Variants in AAK1 observed in about 807,000 individuals in gnomAD.
AAK1 encodes AP2-associated protein kinase 1.
A neutral mutation model predicts 116.0 loss-of-function variants in AAK1; 37 were observed. That is an observed-to-expected ratio of 0.32 (90% confidence interval 0.25 to 0.42). The LOEUF (loss-of-function observed/expected upper bound fraction) is 0.42, where lower values mean the gene tolerates loss of function less well. Ranked by LOEUF, AAK1 falls within the 10% of genes least tolerant of loss-of-function variation. The probability of loss-of-function intolerance (pLI) is 1.00; values close to 1 mark genes in which losing one functional copy is unlikely to be tolerated. For synonymous variants in AAK1, 458 were observed against 439.9 expected (o/e 1.04, Z -0.51); for missense variants, 919 against 1,170.6 (o/e 0.79, Z 3.14).
chr2:69,534,794 T>C (rs1188641047), intron 5 of AAK1, among the ~76,000 whole-genome samples: 6 of 152,244 alleles, frequency 3.9e-5, no homozygotes, highest in Non-Finnish European at 8.8e-5. Context: ...AAAATATTTA[T>C]TATCTGGCCC....
intron 20 of AAK1, chr2:69,478,601 T>C: frequency 4.1e-6 from 1 of 241,936 alleles, no homozygotes; most frequent in Non-Finnish European, 8.0e-6. Flanking sequence ...CACCGGTGCA[T>C]GCTGCCATGG....
At chr2:69,609,465 T>C (rs1290104383) in intron 2 of AAK1, among the ~76,000 whole-genome samples, 3 of 151,124 alleles carry the variant, frequency 2.0e-5, no homozygotes, top group Non-Finnish European at 4.4e-5. Flanking sequence ...GCGGATCACC[T>C]GAGGTCAGGA....
At chr2:69,526,527 T>G (rs948024567) in intron 9 of AAK1, among the ~76,000 whole-genome samples, 1 of 152,072 alleles carries the variant, frequency 6.6e-6, no homozygotes, top group Non-Finnish European at 1.5e-5. Flanking sequence ...AGGCTGGTCT[T>G]GAACTCCTGA....
chr2:69,527,405 T>C (rs1327887653), intron 8 of AAK1, 86 bp from the exon 9 acceptor site: 12 of 902,358 alleles, frequency 1.3e-5, no homozygotes, highest in Non-Finnish European at 2.1e-5. Flanking sequence ...CTACTCCCAA[T>C]GTTTTGTTTT....
chr2:69,512,138 G>A (rs1676418689), intron 13 of AAK1, among the ~76,000 whole-genome samples: 1 of 152,176 alleles, frequency 6.6e-6, no homozygotes, highest in South Asian at 2.1e-4. Flanking sequence ...TGGAAAGTGG[G>A]AGGAGGGACA....
chr2:69,542,242 C>A (rs958186749), intron 5 of AAK1, among the ~76,000 whole-genome samples: 9 of 152,152 alleles, frequency 5.9e-5, no homozygotes, highest in African/African-American at 9.7e-5. Context: ...TTACTTTTCA[C>A]AATCCTGAAA....
chr2:69,489,423 A>C (rs902019159), intron 17 of AAK1, among the ~76,000 whole-genome samples: 8 of 146,992 alleles, frequency 5.4e-5, no homozygotes, highest in African/African-American at 2.0e-4. Flanking sequence ...TGCACTCCAG[A>C]CTGGGCGACA....
intron 2 of AAK1, chr2:69,597,405 A>G (rs1673347964): frequency 6.3e-6 from 1 of 158,026 alleles, no homozygotes; most frequent in African/African-American, 2.4e-5. Flanking sequence ...GATCCCTCAC[A>G]TGGGGTCTCC....
chr2:69,515,989 G>A (rs186740080), intron 12 of AAK1, among the ~76,000 whole-genome samples: 141 of 152,274 alleles, frequency 9.3e-4, no homozygotes, highest in Non-Finnish European at 1.8e-3. Flanking sequence ...AAATAAGAAT[G>A]AGCAATACCA....
Position 69,642,956 on chromosome 2 carries a change from C to T in AAK1, c.85G>A (p.Gly29Ser). ...GSSGGGGSTS[G>S]LGSGYIGRVF... ...CTTCCGATGTAGCCACTGCCCAGGC[C>T]CGAGGTGCTGCCCCCTCCTCCGCTG... is the stretch of plus-strand genomic sequence containing the variant. The change falls in exon 2 of 22, where the codon GGC becomes AGC. Residue 29 changes from glycine to serine, a missense_variant. This residue lies in a region of AAK1 where 317 missense variants were observed against 490.4 expected (regional missense o/e 0.65). Transcript: ENST00000409085. 6.2e-7 allele frequency: 1 copy of T among 1,613,768 alleles called. No individual in the cohort carries two copies. Among genetic ancestry groups the T allele is most frequent in the South Asian group, 1.1e-5 (1 of 91,018 alleles).
intron 2 of AAK1, among the ~76,000 whole-genome samples, chr2:69,589,844 T>A (rs1672955029): frequency 6.6e-6 from 1 of 151,818 alleles, no homozygotes; most frequent in Admixed American, 6.6e-5. Context: ...GATAACAAAG[T>A]ACCTGGAGTA....
At chr2:69,546,758 A>G (rs1195199378) in intron 3 of AAK1, among the ~76,000 whole-genome samples, 1 of 151,988 alleles carries the variant, frequency 6.6e-6, no homozygotes, top group Non-Finnish European at 1.5e-5. Flanking sequence ...GGAGGTGATT[A>G]AGTCATGAGG....
At chr2:69,492,890 T>C (rs2312208) in intron 17 of AAK1, among the ~76,000 whole-genome samples, 148,440 of 151,936 alleles carry the variant, frequency 0.98, 72,537 homozygotes, top group East Asian at 1. Context: ...ACAAAGAAAA[T>C]CAGGCAAAAA....
intron 8 of AAK1, 105 bp from the exon 9 acceptor site, chr2:69,527,424 T>C (rs1670071434): frequency 1.3e-6 from 1 of 763,356 alleles, no homozygotes; most frequent in Non-Finnish European, 2.2e-6. Context: ...TTTAAACTTT[T>C]ATTTTTCATA....
intron 2 of AAK1, among the ~76,000 whole-genome samples, chr2:69,588,171 A>C (rs1273076141): frequency 6.6e-6 from 1 of 152,204 alleles, no homozygotes; most frequent in Non-Finnish European, 1.5e-5. Context: ...TAACATGAGC[A>C]ACCATCCCCT....
intron 19 of AAK1, among the ~76,000 whole-genome samples, chr2:69,480,021 C>T (rs920150720): frequency 2.0e-5 from 3 of 152,120 alleles, no homozygotes; most frequent in Non-Finnish European, 4.4e-5. Flanking sequence ...TCCCAAAGTG[C>T]TGGGATTACA....
chr2:69,531,965 C>T, intron 6 of AAK1, 76 bp downstream of exon 6: 5 of 1,582,122 alleles, frequency 3.2e-6, no homozygotes, highest in African/African-American at 1.3e-5. Context: ...CCACCCTGAC[C>T]TTCTCATCCA....
At position 69,468,757 on chromosome 2, in the gene AAK1, A is replaced by G. The variant is rs1572869419; in HGVS notation, c.*7112T>C. 4.1e-6 allele frequency: 4 copies of G among 985,458 alleles called. No individual in the cohort carries two copies. Among genetic ancestry groups the G allele is most frequent in the Non-Finnish European group, 3.6e-6 (3 of 829,932 alleles). 61.0% of individuals were successfully genotyped at this position (985,458 alleles called of 1,614,324 possible). A position where few individuals can be genotyped will look rare whatever the true frequency, so the allele number is the denominator to read the frequency against. ...GCCTGAAGTGCTAGATTACATTTTGAGAACTAGGAAGTACCAAGGGGTGTG... is the reference window on the plus strand; with the variant it reads ...GCCTGAAGTGCTAGATTACATTTTGGGAACTAGGAAGTACCAAGGGGTGTG... On this transcript the variant is annotated 3_prime_UTR_variant, in exon 22 of 22. Transcript: ENST00000409085.
chr2:69,575,456 A>G (rs1352421382), intron 2 of AAK1, among the ~76,000 whole-genome samples: 4 of 151,656 alleles, frequency 2.6e-5, no homozygotes, highest in African/African-American at 4.8e-5. Flanking sequence ...AAAATCCAAG[A>G]TAAACAAATT....
Sources: allele counts gnomAD v4.1 joint callset (sites outside exome capture counted in the v4.1 genomes callset), GRCh38; gene constraint gnomAD v4.1.1; regional missense constraint gnomAD v4.1.1; transcripts MANE v1.5; gene names NCBI Gene and HGNC (gene_info 2026-07-23, HGNC 2026-07-21).